Variants in CCDC60 observed in about 807,000 individuals in gnomAD.
CCDC60 encodes coiled-coil domain-containing protein 60.
In CCDC60, 54 loss-of-function variants were observed where a neutral mutation model predicts 63.5. The ratio of observed to expected loss-of-function variants is 0.85; its 90% confidence interval spans 0.68 to 1.07. The LOEUF (loss-of-function observed/expected upper bound fraction) is 1.07. CCDC60 is among the 50% of genes least tolerant of loss of function. The probability of loss-of-function intolerance (pLI) is 0.00; values close to 1 mark genes in which losing one functional copy is unlikely to be tolerated. For missense variants in CCDC60, 651 were observed against 684.3 expected (o/e 0.95, Z 0.54); for synonymous variants, 206 against 238.8 (o/e 0.86, Z 1.27).
At position 119,421,626 on chromosome 12, in the gene CCDC60, T is replaced by C. The variant is rs144317936; in HGVS notation, c.91-7057T>C. Among the ~76,000 whole-genome samples, 157 of 152,304 alleles carry C rather than the reference T, an allele frequency of 1.0e-3. 2 individuals carry two copies. In the Middle Eastern group the frequency reaches 0.014, roughly 13 times the overall value. On this transcript the variant is annotated intron_variant, in intron 1 of 13. Transcript: ENST00000327554. ...GGGACAGTGCAGAGCACATAGGAGA[T>C]TGGCATTAGTCCCATTTCACAGATG...
chr12:119,451,253 G>A (rs1371859693), intron 2 of CCDC60, among the ~76,000 whole-genome samples: 2 of 152,148 alleles, frequency 1.3e-5, no homozygotes, highest in Non-Finnish European at 2.9e-5. Flanking sequence ...AATCATTTTG[G>A]CCATTACATT....
At chr12:119,519,451 GTATATA>G (rs754766528) in intron 8 of CCDC60, among the ~76,000 whole-genome samples, 3 of 125,942 alleles carry the variant, frequency 2.4e-5, no homozygotes, top group African/African-American at 1.1e-4. Context: ...GTGTGTGTGT[GTATATA>G]TATATATATA....
intron 2 of CCDC60, among the ~76,000 whole-genome samples, chr12:119,444,532 G>C (rs1228294009): frequency 6.6e-6 from 1 of 152,168 alleles, no homozygotes; most frequent in Non-Finnish European, 1.5e-5. Flanking sequence ...GGGAAGTCTA[G>C]AGTCTCCCTC....
intron 4 of CCDC60, among the ~76,000 whole-genome samples, chr12:119,481,609 A>AT (rs1951320063): frequency 1.3e-5 from 2 of 151,870 alleles, no homozygotes; most frequent in African/African-American, 4.8e-5. Flanking sequence ...TTTTTTTTTA[A>AT]TTTTTTTATT....
chr12:119,391,157 C>T (rs1250781363), intron 1 of CCDC60, among the ~76,000 whole-genome samples: 1 of 152,224 alleles, frequency 6.6e-6, no homozygotes, highest in Non-Finnish European at 1.5e-5. Context: ...CTGTTACCCA[C>T]ACGTCTCTGT....
At chr12:119,350,213 T>TTTA (rs1955642442) in intron 1 of CCDC60, among the ~76,000 whole-genome samples, 3 of 137,768 alleles carry the variant, frequency 2.2e-5, no homozygotes, top group Admixed American at 7.3e-5. Context: ...TTATTTATTT[T>TTTA]TTGAGACAGA....
rs151076969 is a variant in CCDC60, at chr12:119,399,296, T to C, written c.91-29387T>C. Among the ~76,000 whole-genome samples the C allele has an allele frequency of 2.2e-3, 336 of 152,318 alleles. 1 individual carries two copies. The highest frequency in any genetic ancestry group is 3.4e-3 in the Middle Eastern group (1 of 294). On this transcript the variant is annotated intron_variant, in intron 1 of 13. Coordinates refer to ENST00000327554, the MANE Select transcript of CCDC60 (RefSeq NM_178499.5). Reference sequence around the variant, plus strand: ...AAAGGAGATGCACCCAGGACCCAGATGGGCATCCTCCTGTTGAAAGAGGGA... The same window carrying C: ...AAAGGAGATGCACCCAGGACCCAGACGGGCATCCTCCTGTTGAAAGAGGGA...
intron 2 of CCDC60, among the ~76,000 whole-genome samples, chr12:119,464,491 G>A (rs760030942): frequency 5.3e-5 from 8 of 150,852 alleles, no homozygotes; most frequent in Admixed American, 2.6e-4. Flanking sequence ...GTAGAACACT[G>A]TAAACTAAAA....
intron 1 of CCDC60, among the ~76,000 whole-genome samples, chr12:119,378,430 G>A (rs1454258735): frequency 6.6e-6 from 1 of 152,196 alleles, no homozygotes; most frequent in East Asian, 1.9e-4. Context: ...CCTTACCAAG[G>A]ACTCTCTTAC....
At chr12:119,399,907 A>G (rs1956357798) in intron 1 of CCDC60, among the ~76,000 whole-genome samples, 1 of 152,182 alleles carries the variant, frequency 6.6e-6, no homozygotes, top group Non-Finnish European at 1.5e-5. Flanking sequence ...CATGCCTAAT[A>G]TTACACCACT....
At chr12:119,531,647 G>A (rs1402374681) in intron 13 of CCDC60, among the ~76,000 whole-genome samples, 2 of 152,176 alleles carry the variant, frequency 1.3e-5, no homozygotes, top group African/African-American at 4.8e-5. Context: ...AGCAGCACAC[G>A]ACTTGACTTG....
At chr12:119,477,586 G>A (rs901412025) in intron 3 of CCDC60, among the ~76,000 whole-genome samples, 3 of 152,204 alleles carry the variant, frequency 2.0e-5, no homozygotes, top group Non-Finnish European at 4.4e-5. Flanking sequence ...TGGTAGAAAT[G>A]AATGAATCAG....
chr12:119,354,623 C>CG (rs1955697897), intron 1 of CCDC60, among the ~76,000 whole-genome samples: 1 of 152,182 alleles, frequency 6.6e-6, no homozygotes, highest in Non-Finnish European at 1.5e-5. Context: ...GCACAGTGCA[C>CG]GGGGCTCCAG....
chr12:119,526,538 A>G (rs536283163), intron 11 of CCDC60, among the ~76,000 whole-genome samples: 8 of 152,378 alleles, frequency 5.3e-5, no homozygotes, highest in Non-Finnish European at 1.2e-4. Context: ...AATATCCAGC[A>G]TCTATAAGGA....
chr12:119,405,545 C>T (rs1346216080), intron 1 of CCDC60, among the ~76,000 whole-genome samples: 2 of 152,144 alleles, frequency 1.3e-5, no homozygotes, highest in South Asian at 2.1e-4. Context: ...GTAAAACATT[C>T]TCAGATTTAA....
At chr12:119,439,831 G>T (rs1026707100) in intron 2 of CCDC60, among the ~76,000 whole-genome samples, 5 of 152,180 alleles carry the variant, frequency 3.3e-5, no homozygotes, top group African/African-American at 1.2e-4. Context: ...GCATTTCCTA[G>T]TCATTAAGGC....
chr12:119,534,387 C>T (rs1952942575), intron 13 of CCDC60, among the ~76,000 whole-genome samples: 1 of 152,144 alleles, frequency 6.6e-6, no homozygotes, highest in Non-Finnish European at 1.5e-5. Flanking sequence ...TTCCTCTTTT[C>T]CTAAGTGAAT....
intron 12 of CCDC60, among the ~76,000 whole-genome samples, chr12:119,529,029 G>A (rs964408884): frequency 1.3e-5 from 2 of 152,098 alleles, no homozygotes; most frequent in Admixed American, 1.3e-4. Context: ...AACCTTGCCA[G>A]GCCCTGTGGG....
intron 1 of CCDC60, among the ~76,000 whole-genome samples, chr12:119,350,121 G>T (rs1426677060): frequency 1.3e-5 from 2 of 152,002 alleles, no homozygotes; most frequent in African/African-American, 4.8e-5. Context: ...GGAGATGTGG[G>T]GTGTGCCCCT....
Sources: gnomAD v4.1 joint callset for allele counts (sites outside exome capture counted in the v4.1 genomes callset) on GRCh38, gnomAD v4.1.1 for gene constraint, MANE v1.5 for transcripts, NCBI Gene and HGNC (gene_info 2026-07-23, HGNC 2026-07-21) for gene names.